Variants in VIT observed in about 807,000 individuals in gnomAD.
VIT encodes the protein vitrin.
Under a neutral mutation model 78.0 loss-of-function variants are expected in VIT, and 99 were observed. The observed-to-expected ratio is 1.27, with a 90% CI of 1.08 to 1.50. VIT has a LOEUF of 1.50. Among genes scored for constraint, VIT ranks in the 40% most tolerant of loss-of-function variants. The pLI is 0.00. For synonymous variants in VIT, 374 were observed against 334.3 expected (o/e 1.12, Z -1.29); for missense variants, 1,126 against 875.3 (o/e 1.29, Z -3.61).
intron 4 of VIT, among the ~76,000 whole-genome samples, chr2:36,748,371 AC>A (rs1227935845): frequency 6.6e-6 from 1 of 152,204 alleles, no homozygotes; most frequent in Non-Finnish European, 1.5e-5. Flanking sequence ...CCAATGAGTC[AC>A]AGCCTCCTTT....
At chr2:36,745,277 G>GT (rs1417297744) in intron 4 of VIT, among the ~76,000 whole-genome samples, 4 of 151,842 alleles carry the variant, frequency 2.6e-5, no homozygotes, top group Non-Finnish European at 4.4e-5. Flanking sequence ...TTTGCTTAGA[G>GT]TTTTTTTGGC....
chr2:36,732,989 G>A (rs976571129), intron 3 of VIT, among the ~76,000 whole-genome samples: 2 of 152,198 alleles, frequency 1.3e-5, no homozygotes, highest in African/African-American at 4.8e-5. Flanking sequence ...CAGAAATAGA[G>A]AATAGAAGGT....
At chr2:36,746,603 G>A in intron 4 of VIT, among the ~76,000 whole-genome samples, 1 of 152,044 alleles carries the variant, frequency 6.6e-6, no homozygotes, top group East Asian at 1.9e-4. Flanking sequence ...CTTCAAAATA[G>A]TTTCTGAAGA....
At chr2:36,785,475 T>G (rs542704438) in intron 11 of VIT, among the ~76,000 whole-genome samples, 2 of 152,228 alleles carry the variant, frequency 1.3e-5, no homozygotes, top group Non-Finnish European at 2.9e-5. Flanking sequence ...CACATGCTGC[T>G]TCTCCTTTCC....
intron 4 of VIT, among the ~76,000 whole-genome samples, chr2:36,747,545 C>T (rs986635764): frequency 1.3e-5 from 2 of 152,100 alleles, no homozygotes; most frequent in Non-Finnish European, 1.5e-5. Flanking sequence ...TTATGTAATA[C>T]CCTTCTTTGT....
chr2:36,766,516 G>A (rs1669440134), intron 6 of VIT, among the ~76,000 whole-genome samples: 1 of 152,118 alleles, frequency 6.6e-6, no homozygotes, highest in South Asian at 2.1e-4. Context: ...GGGTGACAGA[G>A]CAAGATCCTG....
chr2:36,741,126 C>G lies in VIT; in HGVS notation c.119-1974C>G, dbSNP rs541008437. ...ATGCATTTGGGAGTGAGGAAGTGAT[C>G]TGGGGAAAAGAGGAGAGTTGAACAC... On this transcript the variant is annotated intron_variant, in intron 3 of 15. Coordinates refer to ENST00000379242, the MANE Select transcript of VIT (RefSeq NM_053276.4). 1.5e-3 allele frequency among the ~76,000 whole-genome samples: 224 copies of G among 152,210 alleles called. 1 individual carries two copies. The Middle Eastern group carries it at 0.02, about 14-fold the overall frequency.
intron 12 of VIT, among the ~76,000 whole-genome samples, chr2:36,788,610 G>A (rs1307563468): frequency 6.6e-6 from 1 of 152,098 alleles, no homozygotes; most frequent in Non-Finnish European, 1.5e-5. Context: ...CGGTTTTAGG[G>A]GGTATTTTCT....
In VIT at chr2:36,767,407, G is replaced by A. The variant is rs116068786; in HGVS notation, c.679+122G>A. On this transcript the variant is annotated intron_variant, in intron 7 of 15. Transcript: ENST00000379242. Reference sequence around the variant, plus strand: ...ATGGGGAGCACTGGAGAACTGGGCCGGGGGTATGTTATTTGTGTCCTCCTC... The same window carrying A: ...ATGGGGAGCACTGGAGAACTGGGCCAGGGGTATGTTATTTGTGTCCTCCTC... 2,238 of 1,032,308 alleles carry A rather than the reference G, an allele frequency of 2.2e-3. 49 individuals are homozygous for A. The African/African-American group carries it at 0.034, about 15-fold the overall frequency. 63.9% of individuals were successfully genotyped at this position (1,032,308 alleles called of 1,614,324 possible).
At chr2:36,756,288 C>A (rs913796938) in intron 5 of VIT, among the ~76,000 whole-genome samples, 1 of 152,052 alleles carries the variant, frequency 6.6e-6, no homozygotes, top group African/African-American at 2.4e-5. Flanking sequence ...CTTATACGTA[C>A]CCTACTCTAA....
At chr2:36,776,529 G>A (rs1185554324) in intron 9 of VIT, among the ~76,000 whole-genome samples, 3 of 152,094 alleles carry the variant, frequency 2.0e-5, no homozygotes, top group African/African-American at 4.8e-5. Flanking sequence ...GGCCGGGTGC[G>A]GTGGTTCACG....
intron 2 of VIT, among the ~76,000 whole-genome samples, chr2:36,721,506 C>T (rs995196174): frequency 6.6e-6 from 1 of 152,138 alleles, no homozygotes; most frequent in Non-Finnish European, 1.5e-5. Context: ...TCATTTTCCA[C>T]CATACCCCTA....
chr2:36,802,105 G>C (rs916370436), intron 13 of VIT, among the ~76,000 whole-genome samples: 4 of 152,148 alleles, frequency 2.6e-5, no homozygotes, highest in African/African-American at 9.7e-5. Context: ...TTCAAGCTAG[G>C]TCTTCTGTGA....
At chr2:36,698,601 T>C (rs1664818603) in intron 1 of VIT, among the ~76,000 whole-genome samples, 1 of 152,128 alleles carries the variant, frequency 6.6e-6, no homozygotes, top group South Asian at 2.1e-4. Flanking sequence ...CAAGGGTCAA[T>C]AGTGGTTCTC....
At chr2:36,757,093 G>T (rs1668811727) in intron 5 of VIT, among the ~76,000 whole-genome samples, 1 of 152,182 alleles carries the variant, frequency 6.6e-6, no homozygotes, top group Non-Finnish European at 1.5e-5. Flanking sequence ...GATGAGTTAG[G>T]AGCTCACTGC....
At chr2:36,801,450 T>G in intron 13 of VIT, 46 bp downstream of exon 13, 3 of 1,464,886 alleles carry the variant, frequency 2.0e-6, no homozygotes, top group Non-Finnish European at 2.9e-6. Context: ...ACCATCGTTC[T>G]CTTTCTACGT....
chr2:36,721,292 G>C (rs1666493989), intron 2 of VIT, among the ~76,000 whole-genome samples: 2 of 152,054 alleles, frequency 1.3e-5, no homozygotes, highest in Non-Finnish European at 2.9e-5. Context: ...ATGAAGCTGG[G>C]GGGAATAATA....
At chr2:36,743,589 G>A (rs1049247742) in intron 4 of VIT, among the ~76,000 whole-genome samples, 3 of 151,870 alleles carry the variant, frequency 2.0e-5, no homozygotes, top group African/African-American at 7.3e-5. Flanking sequence ...TTTATCATTT[G>A]TTCTCAAAGA....
chr2:36,757,176 T>C (rs1308511863), intron 5 of VIT, among the ~76,000 whole-genome samples: 1 of 152,164 alleles, frequency 6.6e-6, no homozygotes, highest in African/African-American at 2.4e-5. Flanking sequence ...GCCAGCAAGT[T>C]TAACTGCATG....
Sources: gnomAD v4.1 joint callset for allele counts (sites outside exome capture counted in the v4.1 genomes callset) on GRCh38, gnomAD v4.1.1 for gene constraint, MANE v1.5 for transcripts, NCBI Gene and HGNC (gene_info 2026-07-23, HGNC 2026-07-21) for gene names.